FHIT: variants seen among roughly 807,000 people sequenced by gnomAD.
The protein encoded by FHIT is bis(5'-adenosyl)-triphosphatase.
In FHIT, 19 loss-of-function variants were observed where a neutral mutation model predicts 17.9. The ratio of observed to expected loss-of-function variants is 1.06; its 90% CI spans 0.74 to 1.56. FHIT has a LOEUF of 1.56. FHIT is among the 40% of genes most tolerant of loss of function. The pLI is 0.00. For synonymous variants in FHIT, 81 were observed against 69.7 expected, an observed-to-expected ratio of 1.16 and a Z score of -0.81; for missense variants, 248 against 189.2, an observed-to-expected ratio of 1.31 and a Z score of -1.82.
At chr3:60,113,537 A>C (rs1379476369) in intron 5 of FHIT, among the ~76,000 whole-genome samples, 2 of 151,822 alleles carry the variant, frequency 1.3e-5, no homozygotes, top group African/African-American at 4.9e-5. Flanking sequence ...AGCGATGCAT[A>C]AATCAGAAAT....
intron 4 of FHIT, among the ~76,000 whole-genome samples, chr3:60,751,892 T>A (rs2042473991): frequency 6.6e-6 from 1 of 152,152 alleles, no homozygotes; most frequent in Non-Finnish European, 1.5e-5. Flanking sequence ...GGGGATAGGC[T>A]AAGTAAGTTG....
chr3:60,201,549 C>A (rs1702907126), intron 5 of FHIT, among the ~76,000 whole-genome samples: 1 of 152,056 alleles, frequency 6.6e-6, no homozygotes, highest in African/African-American at 2.4e-5. Context: ...CCCCAAAAAA[C>A]CCTTTCTCTC....
chr3:61,067,453 A>G (rs2034649731), intron 2 of FHIT, among the ~76,000 whole-genome samples: 1 of 152,182 alleles, frequency 6.6e-6, no homozygotes, highest in Admixed American at 6.5e-5. Flanking sequence ...CCCAGCAACT[A>G]TGTATGACAA....
At chr3:60,430,267 G>A (rs1256568756) in intron 5 of FHIT, among the ~76,000 whole-genome samples, 1 of 152,026 alleles carries the variant, frequency 6.6e-6, no homozygotes, top group Admixed American at 6.6e-5. Context: ...TTTTCACTAA[G>A]TACCTCTTAC....
intron 7 of FHIT, among the ~76,000 whole-genome samples, chr3:59,999,425 C>G (rs1206178781): frequency 6.6e-6 from 1 of 152,144 alleles, no homozygotes; most frequent in African/African-American, 2.4e-5. Context: ...CACAGACTTT[C>G]ATTCAAAGAT....
At chr3:60,792,848 T>TA (rs1217870555) in intron 4 of FHIT, among the ~76,000 whole-genome samples, 1 of 151,796 alleles carries the variant, frequency 6.6e-6, no homozygotes, top group South Asian at 2.1e-4. Flanking sequence ...TTTTTTTTTT[T>TA]ACTGAGAATT....
At chr3:60,129,311 G>A (rs1004615848) in intron 5 of FHIT, among the ~76,000 whole-genome samples, 3 of 151,808 alleles carry the variant, frequency 2.0e-5, no homozygotes, top group Non-Finnish European at 4.4e-5. Flanking sequence ...CAAAGTGCTG[G>A]GATTACAGGC....
chr3:59,832,496 A>T (rs1464714854), intron 8 of FHIT, among the ~76,000 whole-genome samples: 1 of 152,168 alleles, frequency 6.6e-6, no homozygotes, highest in East Asian at 1.9e-4. Context: ...GCAGATAAGA[A>T]ATATCCATGT....
At chr3:60,520,896 A>G (rs1301404851) in intron 5 of FHIT, among the ~76,000 whole-genome samples, 2 of 152,074 alleles carry the variant, frequency 1.3e-5, no homozygotes, top group Admixed American at 6.6e-5. Context: ...AGTACCAAAA[A>G]CAGTAGAAAT....
chr3:60,399,604 G>T (rs1412282260), intron 5 of FHIT, among the ~76,000 whole-genome samples: 1 of 152,120 alleles, frequency 6.6e-6, no homozygotes, highest in Admixed American at 6.6e-5. Flanking sequence ...AGAAAGGTGA[G>T]CAGGTGAATA....
At chr3:60,927,331 C>A (rs984172436) in intron 3 of FHIT, among the ~76,000 whole-genome samples, 3 of 152,194 alleles carry the variant, frequency 2.0e-5, no homozygotes, top group Non-Finnish European at 4.4e-5. Context: ...AGTGCAGTGG[C>A]GTGAACCTCC....
chr3:60,901,460 G>C (rs1553763168), intron 3 of FHIT, among the ~76,000 whole-genome samples: 3 of 152,128 alleles, frequency 2.0e-5, no homozygotes, highest in Non-Finnish European at 4.4e-5. Flanking sequence ...AATATGTATA[G>C]TATGGGCTCA....
chr3:60,067,348 G>C (rs921387509), intron 5 of FHIT, among the ~76,000 whole-genome samples: 9 of 139,114 alleles, frequency 6.5e-5, no homozygotes, highest in Non-Finnish European at 1.4e-4. Context: ...ATGAATGAAT[G>C]AATGAATAAG....
intron 5 of FHIT, among the ~76,000 whole-genome samples, chr3:60,445,964 C>A (rs1279847255): frequency 6.6e-6 from 1 of 152,026 alleles, no homozygotes; most frequent in Non-Finnish European, 1.5e-5. Flanking sequence ...GTGTGCAAAT[C>A]CATATTGTGT....
chr3:60,335,730 T>A (rs2106874329), intron 5 of FHIT, among the ~76,000 whole-genome samples: 1 of 152,288 alleles, frequency 6.6e-6, no homozygotes, highest in South Asian at 2.1e-4. Context: ...TTTTAAAATT[T>A]ATTAGATATA....
At chr3:60,270,049 A>T (rs1373309917) in intron 5 of FHIT, among the ~76,000 whole-genome samples, 2 of 152,164 alleles carry the variant, frequency 1.3e-5, no homozygotes, top group Non-Finnish European at 2.9e-5. Flanking sequence ...CTGACTCTAC[A>T]CTGGGCCAGC....
chr3:61,074,694 T>C (rs1182356378), intron 2 of FHIT, among the ~76,000 whole-genome samples: 2 of 152,162 alleles, frequency 1.3e-5, no homozygotes, highest in South Asian at 2.1e-4. Flanking sequence ...CTTAATAGTA[T>C]TGTTATTTTT....
At chr3:60,814,431 T>C (rs1701668346) in intron 4 of FHIT, among the ~76,000 whole-genome samples, 1 of 152,174 alleles carries the variant, frequency 6.6e-6, no homozygotes, top group Admixed American at 6.5e-5. Flanking sequence ...AAAGTTTAGT[T>C]CCTACTTACA....
At chr3:61,231,876 G>A (rs1277202747) in intron 1 of FHIT, among the ~76,000 whole-genome samples, 1 of 152,220 alleles carries the variant, frequency 6.6e-6, no homozygotes, top group Non-Finnish European at 1.5e-5. Flanking sequence ...AAACTGTGAT[G>A]CAGGAATGTG....
Sources: gnomAD v4.1 joint callset for allele counts (sites outside exome capture counted in the v4.1 genomes callset) on GRCh38, gnomAD v4.1.1 for gene constraint, MANE v1.5 for transcripts, NCBI Gene and HGNC (gene_info 2026-07-23, HGNC 2026-07-21) for gene names.